CERT1: variants seen among roughly 807,000 people sequenced by gnomAD.
The protein encoded by CERT1 is ceramide transfer protein.
Under a neutral mutation model 87.9 loss-of-function variants are expected in CERT1, and 31 were observed. The ratio of observed to expected loss-of-function variants is 0.35; its 90% CI spans 0.27 to 0.48. CERT1 has a LOEUF of 0.48. Ranked by LOEUF, CERT1 falls within the 20% of genes least tolerant of loss-of-function variation. The probability of loss-of-function intolerance (pLI) is 0.99; values close to 1 mark genes in which losing one functional copy is unlikely to be tolerated. For synonymous variants in CERT1, 289 were observed against 250.9 expected (o/e 1.15, Z -1.44); for missense variants, 487 against 758.0 (o/e 0.64, Z 4.20).
intron 11 of CERT1, among the ~76,000 whole-genome samples, chr5:75,393,028 AT>A (rs1762093213): frequency 6.8e-6 from 1 of 147,984 alleles, no homozygotes; most frequent in South Asian, 2.1e-4. Flanking sequence ...ACTAAGTTTC[AT>A]TAAAAAAAAA....
intron 5 of CERT1, among the ~76,000 whole-genome samples, chr5:75,423,557 A>G (rs1479763296): frequency 6.6e-6 from 1 of 152,206 alleles, no homozygotes; most frequent in East Asian, 1.9e-4. Context: ...CCTGGGCCAC[A>G]TAGCGAGACC....
chr5:75,434,615 G>A lies in CERT1; in HGVS notation c.349-8137C>T, dbSNP rs145424244. Among the ~76,000 whole-genome samples, 103 of 150,674 alleles carry A rather than the reference G, an allele frequency of 6.8e-4. 1 individual carries two copies. Among genetic ancestry groups the A allele is most frequent in the African/African-American group, 2.4e-3 (100 of 41,140 alleles). On this transcript the variant is annotated intron_variant, in intron 3 of 16. Transcript: ENST00000643780. The stretch of plus-strand genomic sequence containing the variant: ...TAGAATAGAGCTATGAATCCATGTG[G>A]TCCACGGCTTTTTCTGATTGGTAGG...
chr5:75,496,927 C>T (rs965331472), intron 2 of CERT1, among the ~76,000 whole-genome samples: 3 of 151,764 alleles, frequency 2.0e-5, no homozygotes, highest in African/African-American at 7.3e-5. Context: ...GTGAATTTGA[C>T]CGTGTGTAAA....
At chr5:75,489,779 T>C (rs904283934) in intron 2 of CERT1, among the ~76,000 whole-genome samples, 2 of 152,220 alleles carry the variant, frequency 1.3e-5, no homozygotes, top group African/African-American at 4.8e-5. Context: ...GCTTTTACTC[T>C]GTTGGTGGGA....
At chr5:75,408,344 G>C (rs1246007006) in intron 8 of CERT1, among the ~76,000 whole-genome samples, 2 of 152,258 alleles carry the variant, frequency 1.3e-5, no homozygotes, top group Non-Finnish European at 1.5e-5. Flanking sequence ...ATATAGCTTA[G>C]AAGGTATATA....
chr5:75,488,862 T>C (rs1561298596), intron 2 of CERT1, among the ~76,000 whole-genome samples: 1 of 152,210 alleles, frequency 6.6e-6, no homozygotes. Flanking sequence ...TCTTTCTCTA[T>C]TCTGAGACAT....
chr5:75,420,206 C>T (rs1763312081), intron 5 of CERT1, among the ~76,000 whole-genome samples: 2 of 151,886 alleles, frequency 1.3e-5, no homozygotes, highest in Non-Finnish European at 2.9e-5. Context: ...TTCGAAACTC[C>T]TGGCCTCATG....
chr5:75,470,533 A>G (rs1765658649), intron 2 of CERT1, among the ~76,000 whole-genome samples: 2 of 152,338 alleles, frequency 1.3e-5, no homozygotes, highest in South Asian at 4.1e-4. Flanking sequence ...CCTATGATCA[A>G]TAGATGCAGA....
intron 2 of CERT1, among the ~76,000 whole-genome samples, chr5:75,481,130 AC>A (rs1043778714): frequency 6.6e-6 from 1 of 152,084 alleles, no homozygotes. Context: ...AGGCCTCACT[AC>A]CACTTTGCTT....
intron 3 of CERT1, among the ~76,000 whole-genome samples, chr5:75,438,596 A>G (rs2112235976): frequency 6.6e-6 from 1 of 152,310 alleles, no homozygotes; most frequent in Middle Eastern, 3.4e-3. Flanking sequence ...GAACTCATTT[A>G]CAACCTCTAA....
At chr5:75,472,031 C>A (rs577470024) in intron 2 of CERT1, among the ~76,000 whole-genome samples, 1 of 152,230 alleles carries the variant, frequency 6.6e-6, no homozygotes, top group East Asian at 1.9e-4. Context: ...AAATATACTA[C>A]ACAAAACTAT....
At chr5:75,474,734 T>C (rs1765881368) in intron 2 of CERT1, among the ~76,000 whole-genome samples, 1 of 152,150 alleles carries the variant, frequency 6.6e-6, no homozygotes, top group Admixed American at 6.5e-5. Flanking sequence ...CAAAATTCAA[T>C]TGTAAGTGAA....
chr5:75,387,873 T>C (rs550088302), intron 12 of CERT1, among the ~76,000 whole-genome samples: 106 of 152,338 alleles, frequency 7.0e-4, no homozygotes, highest in Non-Finnish European at 1.4e-3. Flanking sequence ...GCCCAATTTC[T>C]CTCTAACACT....
At chr5:75,427,174 T>A (rs893874251) in intron 3 of CERT1, among the ~76,000 whole-genome samples, 2 of 152,226 alleles carry the variant, frequency 1.3e-5, no homozygotes, top group Admixed American at 1.3e-4. Context: ...AAATTTTATA[T>A]CTTACCTTCT....
intron 2 of CERT1, among the ~76,000 whole-genome samples, chr5:75,484,437 C>A (rs1766408054): frequency 6.7e-6 from 1 of 149,466 alleles, no homozygotes; most frequent in Non-Finnish European, 1.5e-5. Flanking sequence ...ACTCTCCAAT[C>A]AAAAGACAGA....
chr5:75,481,710 A>T (rs1208088003), intron 2 of CERT1, among the ~76,000 whole-genome samples: 1 of 152,218 alleles, frequency 6.6e-6, no homozygotes, highest in Non-Finnish European at 1.5e-5. Flanking sequence ...GTTCTTTCAT[A>T]TAACATATTG....
downstream of CERT1, chr5:75,374,729 A>G (rs1237475703): frequency 5.2e-6 from 3 of 582,302 alleles, no homozygotes; most frequent in Non-Finnish European, 9.9e-6. Flanking sequence ...AATCGATCTC[A>G]TGAAGGAGAA....
At position 75,419,484 on chromosome 5, in the gene CERT1, T is replaced by C. The variant is rs377495805; in HGVS notation, c.596-60A>G. On this transcript the variant is annotated intron_variant, in intron 5 of 16. Coordinates refer to ENST00000643780, the MANE Select transcript of CERT1 (RefSeq NM_001379029.1). ...AAGAAATAGAAATTAATGTCTATTC[T>C]TATGTTCAACTGAGTCATTTTACTC... The C allele has an allele frequency of 5.2e-6, 6 of 1,150,274 alleles. No individual in the cohort carries two copies. The African/African-American group carries it at 7.7e-5, about 15-fold the overall frequency. The allele number at this position is 1,150,274 out of a possible 1,614,324, so 71.3% of individuals were successfully genotyped here.
intron 11 of CERT1, among the ~76,000 whole-genome samples, chr5:75,398,060 C>T (rs1032129948): frequency 1.3e-5 from 2 of 151,914 alleles, no homozygotes; most frequent in Non-Finnish European, 1.5e-5. Context: ...CATAAATGGA[C>T]AAGCAAAAGG....
Sources: allele counts gnomAD v4.1 joint callset (sites outside exome capture counted in the v4.1 genomes callset), GRCh38; gene constraint gnomAD v4.1.1; transcripts MANE v1.5; gene names NCBI Gene and HGNC (gene_info 2026-07-23, HGNC 2026-07-21).